The following CNTN5 variants were observed in gnomAD, a reference collection of about 807,000 sequenced individuals.
CNTN5 encodes the protein contactin-5.
CNTN5 carries 77 observed loss-of-function variants against 129.1 expected under a neutral mutation model. That is an observed-to-expected ratio of 0.60 (90% CI 0.50 to 0.72). CNTN5 has a LOEUF of 0.72. CNTN5 is among the 30% of genes least tolerant of loss of function. The pLI is 0.00. For synonymous variants in CNTN5, 509 were observed against 465.6 expected, an observed-to-expected ratio of 1.09 and a Z score of -1.20; for missense variants, 1,478 against 1,328.8, an observed-to-expected ratio of 1.11 and a Z score of -1.75.
chr11:100,020,551 G>C (rs1390471338), intron 9 of CNTN5, among the ~76,000 whole-genome samples: 1 of 152,066 alleles, frequency 6.6e-6, no homozygotes, highest in Non-Finnish European at 1.5e-5. Flanking sequence ...TAGATTCTGA[G>C]ATCAGGAAGT....
At chr11:99,358,737 G>A (rs1249922241) in intron 2 of CNTN5, among the ~76,000 whole-genome samples, 1 of 151,982 alleles carries the variant, frequency 6.6e-6, no homozygotes, top group African/African-American at 2.4e-5. Context: ...TTTACCAAGT[G>A]CTAGATTATA....
At chr11:99,906,030 T>G (rs1949494887) in intron 6 of CNTN5, among the ~76,000 whole-genome samples, 1 of 152,132 alleles carries the variant, frequency 6.6e-6, no homozygotes, top group African/African-American at 2.4e-5. Flanking sequence ...TTAAGGAGAT[T>G]TTGGGCTGAG....
chr11:99,089,455 A>G (rs1170831875), intron 1 of CNTN5, among the ~76,000 whole-genome samples: 1 of 152,210 alleles, frequency 6.6e-6, no homozygotes, highest in Non-Finnish European at 1.5e-5. Context: ...TTGTTTAGAC[A>G]AGGACATGGA....
At chr11:99,656,977 G>A (rs1240845572) in intron 3 of CNTN5, among the ~76,000 whole-genome samples, 1 of 151,122 alleles carries the variant, frequency 6.6e-6, no homozygotes, top group Non-Finnish European at 1.5e-5. Context: ...GCATAGTTAA[G>A]TTTGTGGACC....
At chr11:99,770,058 TG>T (rs1156413011) in intron 3 of CNTN5, among the ~76,000 whole-genome samples, 1 of 152,158 alleles carries the variant, frequency 6.6e-6, no homozygotes, top group African/African-American at 2.4e-5. Flanking sequence ...AAGGATTTTT[TG>T]TTTTCTCTTT....
chr11:100,016,868 G>A (rs953728317), intron 9 of CNTN5, among the ~76,000 whole-genome samples: 11 of 151,264 alleles, frequency 7.3e-5, no homozygotes, highest in Non-Finnish European at 1.3e-4. Flanking sequence ...TTGTGTGACC[G>A]GTCACTGGTT....
chr11:99,308,567 A>G (rs573227862), intron 1 of CNTN5, among the ~76,000 whole-genome samples: 1 of 152,200 alleles, frequency 6.6e-6, no homozygotes, highest in Admixed American at 6.5e-5. Context: ...TGGAAAAGAA[A>G]ATATTAAAAT....
chr11:99,769,708 G>A (rs931378652), intron 3 of CNTN5, among the ~76,000 whole-genome samples: 2 of 151,822 alleles, frequency 1.3e-5, no homozygotes, highest in African/African-American at 2.4e-5. Flanking sequence ...CAGCTACTTC[G>A]GAGGCTGAGG....
intron 3 of CNTN5, among the ~76,000 whole-genome samples, chr11:99,557,344 A>G (rs1369446733): frequency 6.6e-6 from 1 of 151,266 alleles, no homozygotes; most frequent in East Asian, 1.9e-4. Context: ...ACATAAAGAT[A>G]TAGAACATGC....
intron 2 of CNTN5, among the ~76,000 whole-genome samples, chr11:99,361,050 C>A (rs1217939372): frequency 6.6e-6 from 1 of 152,122 alleles, no homozygotes; most frequent in African/African-American, 2.4e-5. Flanking sequence ...CCACCAAGTT[C>A]TTTGCCACTT....
intron 7 of CNTN5, among the ~76,000 whole-genome samples, chr11:99,917,546 A>G (rs1455280381): frequency 6.6e-6 from 1 of 152,078 alleles, no homozygotes; most frequent in East Asian, 1.9e-4. Context: ...GGGGAAGGAG[A>G]AAGAGAATAT....
At chr11:99,727,758 T>A (rs1943401300) in intron 3 of CNTN5, among the ~76,000 whole-genome samples, 1 of 152,182 alleles carries the variant, frequency 6.6e-6, no homozygotes, top group African/African-American at 2.4e-5. Flanking sequence ...TAAGTTAATA[T>A]AAAATAGAAC....
intron 2 of CNTN5, among the ~76,000 whole-genome samples, chr11:99,333,399 T>C (rs548450018): frequency 6.6e-6 from 1 of 152,096 alleles, no homozygotes; most frequent in Non-Finnish European, 1.5e-5. Flanking sequence ...TGCATTCTTT[T>C]TGCTTTATAG....
chr11:100,055,858 T>C (rs939647261), intron 9 of CNTN5, among the ~76,000 whole-genome samples: 1 of 151,462 alleles, frequency 6.6e-6, no homozygotes, highest in Non-Finnish European at 1.5e-5. Flanking sequence ...CTCTCTCTCT[T>C]GCTCTCACTC....
At chr11:99,718,546 T>C (rs1389435007) in intron 3 of CNTN5, among the ~76,000 whole-genome samples, 2 of 152,124 alleles carry the variant, frequency 1.3e-5, no homozygotes, top group East Asian at 1.9e-4. Context: ...GAGATGCTTC[T>C]TGTGGCTCTG....
intron 8 of CNTN5, among the ~76,000 whole-genome samples, chr11:99,968,002 G>T (rs908798278): frequency 2.0e-5 from 3 of 152,156 alleles, no homozygotes; most frequent in Non-Finnish European, 4.4e-5. Flanking sequence ...CTAAAAAGAA[G>T]TTGAGGTTGC....
At chr11:100,088,363 C>T (rs957614168) in intron 13 of CNTN5, among the ~76,000 whole-genome samples, 1 of 151,880 alleles carries the variant, frequency 6.6e-6, no homozygotes, top group African/African-American at 2.4e-5. Flanking sequence ...CCAAAGCTAG[C>T]AGAAGAAAAG....
chr11:99,598,440 C>CCCTT (rs557668024), intron 3 of CNTN5, among the ~76,000 whole-genome samples: 18,447 of 118,404 alleles, frequency 0.16, 2,091 homozygotes, highest in East Asian at 0.25. Context: ...CTCCCTCCCT[C>CCCTT]CCTTCCTTCC....
chr11:100,069,264 T>G (rs1409870054), intron 10 of CNTN5, among the ~76,000 whole-genome samples: 1 of 152,160 alleles, frequency 6.6e-6, no homozygotes, highest in Non-Finnish European at 1.5e-5. Flanking sequence ...ACAGTCCTCC[T>G]GCCTCAACCT....
Sources: gnomAD v4.1 joint callset for allele counts (sites outside exome capture counted in the v4.1 genomes callset) on GRCh38, gnomAD v4.1.1 for gene constraint, MANE v1.5 for transcripts, NCBI Gene and HGNC (gene_info 2026-07-23, HGNC 2026-07-21) for gene names.